The following CD84 variants were observed in gnomAD, a reference collection of about 807,000 sequenced individuals.
CD84 encodes CD84 molecule, also known as SLAM family member 5.
A neutral mutation model predicts 33.8 loss-of-function variants in CD84; 22 were observed. That is an observed-to-expected ratio of 0.65 (90% confidence interval 0.46 to 0.93). CD84 has a LOEUF of 0.93. CD84 is among the 40% of genes least tolerant of loss of function. The pLI is 0.00. For missense variants in CD84, 400 were observed against 397.6 expected (o/e 1.01, Z -0.05); for synonymous variants, 154 against 145.2 (o/e 1.06, Z -0.44).
At chr1:160,554,616 A>T (rs1371654058) in intron 2 of CD84, among the ~76,000 whole-genome samples, 1 of 152,262 alleles carries the variant, frequency 6.6e-6, no homozygotes, top group South Asian at 2.1e-4. Flanking sequence ...AAAAATAGGA[A>T]GTATTCTTCT....
At chr1:160,551,943 T>TAA (rs1656258335) in intron 4 of CD84, among the ~76,000 whole-genome samples, 1 of 152,206 alleles carries the variant, frequency 6.6e-6, no homozygotes, top group African/African-American at 2.4e-5. Context: ...TCTTTCCTTT[T>TAA]AAGAATGTAT....
chr1:160,569,540 ACG>A (rs775359766), intron 1 of CD84, among the ~76,000 whole-genome samples: 7,654 of 70,474 alleles, frequency 0.11, 627 homozygotes, highest in African/African-American at 0.29. Flanking sequence ...ACACACACAC[ACG>A]CACGCACGCA....
At chr1:160,575,790 T>C (rs1248711095) in intron 1 of CD84, among the ~76,000 whole-genome samples, 1 of 152,132 alleles carries the variant, frequency 6.6e-6, no homozygotes, top group African/African-American at 2.4e-5. Context: ...CCTGAATGGC[T>C]TGGCACCGAC....
intron 2 of CD84, among the ~76,000 whole-genome samples, chr1:160,563,554 C>T (rs1657128634): frequency 6.6e-6 from 1 of 151,976 alleles, no homozygotes; most frequent in South Asian, 2.1e-4. Flanking sequence ...GATGAGAACA[C>T]ATGGAGGGGA....
chr1:160,569,554 G>A (rs572013705), intron 1 of CD84, among the ~76,000 whole-genome samples: 7,168 of 150,894 alleles, frequency 0.048, 583 homozygotes, highest in African/African-American at 0.17. Context: ...ACGCACGCAC[G>A]CACGCACACA....
intron 4 of CD84, 164 bp downstream of exon 4, chr1:160,553,214 A>C: frequency 8.7e-7 from 1 of 1,143,950 alleles, no homozygotes; most frequent in Non-Finnish European, 1.3e-6. Flanking sequence ...GGGTAATGTC[A>C]TACCATCCTC....
chr1:160,555,869 T>G (rs1656575721), intron 2 of CD84, among the ~76,000 whole-genome samples: 1 of 152,212 alleles, frequency 6.6e-6, no homozygotes. Context: ...GCTGTAAAAA[T>G]GTTTGATTCC....
intron 2 of CD84, among the ~76,000 whole-genome samples, chr1:160,560,264 G>A (rs982645254): frequency 2.0e-5 from 3 of 152,040 alleles, no homozygotes; most frequent in Admixed American, 6.6e-5. Context: ...CTCAGCAAAC[G>A]CGAAAGACCT....
At chr1:160,565,857 G>T in intron 1 of CD84, 112 bp from the exon 2 acceptor site, 12 of 795,678 alleles carry the variant, frequency 1.5e-5, no homozygotes, top group Admixed American at 6.8e-5. Context: ...AGTTCACCCA[G>T]TTTCTTGAGG....
At chr1:160,568,223 C>T (rs568219733) in intron 1 of CD84, among the ~76,000 whole-genome samples, 2 of 152,226 alleles carry the variant, frequency 1.3e-5, no homozygotes, top group South Asian at 4.2e-4. Flanking sequence ...CTGAGACCTT[C>T]TTAATATTAG....
rs182899230 is a variant in CD84, at chr1:160,561,984, C to G, written c.388+3420G>C. Among the ~76,000 whole-genome samples, 3 of 152,210 alleles carry G rather than the reference C, an allele frequency of 2.0e-5. No individual in the cohort carries two copies. In the East Asian group the frequency reaches 5.8e-4, roughly 29 times the overall value. On this transcript the variant is annotated intron_variant, in intron 2 of 6. Transcript: ENST00000368054. ...AAGTGAAGGACATTCACAATTGCTA[C>G]AAAAAGATTAATATGCCTAGGAATA...
chr1:160,576,757 C>T (rs1658013052), intron 1 of CD84, among the ~76,000 whole-genome samples: 1 of 152,044 alleles, frequency 6.6e-6, no homozygotes, highest in Non-Finnish European at 1.5e-5. Flanking sequence ...TGTATATGTG[C>T]ACATAAACCG....
intron 4 of CD84, 103 bp from the exon 5 acceptor site, chr1:160,551,138 A>G: frequency 1.1e-6 from 1 of 882,074 alleles, no homozygotes; most frequent in East Asian, 2.4e-5. Flanking sequence ...GGAAGCCCCC[A>G]GGGATTAAAT....
In CD84 at chr1:160,559,195, T is replaced by A. The variant is rs572878458; in HGVS notation, c.389-5049A>T. 4.6e-5 allele frequency among the ~76,000 whole-genome samples: 7 copies of A among 151,716 alleles called. No individual in the cohort carries two copies. The South Asian group carries it at 1.5e-3, about 32-fold the overall frequency. On this transcript the variant is annotated intron_variant, in intron 2 of 6. Coordinates refer to ENST00000368054, the MANE Select transcript of CD84 (RefSeq NM_003874.4). ...CACGTAATCATCAGATTCTCCAAGG[T>A]CGAAATGAAAGTAAAAATGTTAAGG...
At chr1:160,575,136 A>T (rs1327880365) in intron 1 of CD84, among the ~76,000 whole-genome samples, 3 of 152,098 alleles carry the variant, frequency 2.0e-5, no homozygotes, top group African/African-American at 7.2e-5. Flanking sequence ...GCACTAGCTA[A>T]ACTTCCTCTC....
intron 4 of CD84, 161 bp downstream of exon 4, chr1:160,553,217 C>T: frequency 8.6e-7 from 1 of 1,163,362 alleles, no homozygotes; most frequent in South Asian, 1.3e-5. Context: ...TAATGTCATA[C>T]CATCCTCAGA....
chr1:160,565,882 T>G, intron 1 of CD84, 137 bp from the exon 2 acceptor site: 2 of 669,324 alleles, frequency 3.0e-6, no homozygotes, highest in Non-Finnish European at 2.4e-6. Context: ...CTTTTTTTTT[T>G]TTTGGCATTC....
chr1:160,563,652 G>T (rs2102174742), intron 2 of CD84, among the ~76,000 whole-genome samples: 1 of 152,216 alleles, frequency 6.6e-6, no homozygotes, highest in South Asian at 2.1e-4. Context: ...TTAATACCTA[G>T]ATGATGGAAT....
intron 1 of CD84, among the ~76,000 whole-genome samples, chr1:160,578,364 C>T (rs114635931): frequency 0.011 from 1,619 of 152,206 alleles, 13 homozygotes; most frequent in East Asian, 0.026. Context: ...CATTCTAGAG[C>T]GACCAGCAGA....
Sources: allele counts gnomAD v4.1 joint callset (sites outside exome capture counted in the v4.1 genomes callset), GRCh38; gene constraint gnomAD v4.1.1; transcripts MANE v1.5; gene names NCBI Gene and HGNC (gene_info 2026-07-23, HGNC 2026-07-21).